Variants in BMPR1B observed in about 807,000 individuals in gnomAD.
BMPR1B encodes bone morphogenetic protein receptor type 1B, also known as bone morphogenetic protein receptor type-1B.
Under a neutral mutation model 59.1 loss-of-function variants are expected in BMPR1B, and 12 were observed. The ratio of observed to expected loss-of-function variants is 0.20; its 90% CI spans 0.13 to 0.33. The LOEUF (loss-of-function observed/expected upper bound fraction) is 0.33, where lower values mean the gene tolerates loss of function less well. BMPR1B is among the 10% of genes least tolerant of loss of function. BMPR1B has a pLI of 1.00. For missense variants in BMPR1B, 550 were observed against 610.9 expected, an observed-to-expected ratio of 0.90 and a Z score of 1.05; for synonymous variants, 237 against 207.3, an observed-to-expected ratio of 1.14 and a Z score of -1.23.
At chr4:95,142,528 G>A (rs577165125) in intron 10 of BMPR1B, among the ~76,000 whole-genome samples, 5 of 152,056 alleles carry the variant, frequency 3.3e-5, no homozygotes, top group Admixed American at 2.0e-4. Flanking sequence ...TACAATGTTT[G>A]CTTCTCTTTT....
chr4:94,829,511 C>T (rs540163752), intron 1 of BMPR1B, among the ~76,000 whole-genome samples: 2 of 152,128 alleles, frequency 1.3e-5, no homozygotes, highest in South Asian at 4.2e-4. Flanking sequence ...GCGATCTTGT[C>T]ACCTCAGCCT....
At chr4:94,920,980 G>A (rs752957774) in intron 2 of BMPR1B, among the ~76,000 whole-genome samples, 1 of 151,926 alleles carries the variant, frequency 6.6e-6, no homozygotes, top group Non-Finnish European at 1.5e-5. Flanking sequence ...TTTTTCTTCC[G>A]AGAAGATTAA....
At chr4:95,064,520 C>G (rs994172191) in intron 3 of BMPR1B, among the ~76,000 whole-genome samples, 3 of 152,098 alleles carry the variant, frequency 2.0e-5, no homozygotes, top group Non-Finnish European at 4.4e-5. Context: ...AATTGTCTTC[C>G]ACAAAACTGG....
chr4:95,021,473 A>T (rs942922191), intron 3 of BMPR1B, among the ~76,000 whole-genome samples: 1 of 152,244 alleles, frequency 6.6e-6, no homozygotes, highest in Non-Finnish European at 1.5e-5. Flanking sequence ...TGAAATCAAT[A>T]GCATTATACC....
At chr4:95,035,126 ATTAT>A (rs1725145849) in intron 3 of BMPR1B, among the ~76,000 whole-genome samples, 1 of 151,234 alleles carries the variant, frequency 6.6e-6, no homozygotes, top group Non-Finnish European at 1.5e-5. Context: ...TTTCAATGGG[ATTAT>A]TTGTTTTTTT....
At chr4:94,938,352 G>C (rs1729393552) in intron 2 of BMPR1B, among the ~76,000 whole-genome samples, 1 of 152,036 alleles carries the variant, frequency 6.6e-6, no homozygotes, top group Non-Finnish European at 1.5e-5. Context: ...AAAAATAGCT[G>C]GGTGTGGTGG....
At chr4:94,849,373 C>T (rs1197761195) in intron 1 of BMPR1B, among the ~76,000 whole-genome samples, 2 of 151,934 alleles carry the variant, frequency 1.3e-5, no homozygotes, top group East Asian at 1.9e-4. Context: ...TGTTGAGGGA[C>T]GCCTGATTGG....
intron 2 of BMPR1B, among the ~76,000 whole-genome samples, chr4:94,893,039 ATTG>A (rs1461045055): frequency 6.6e-6 from 1 of 152,072 alleles, no homozygotes; most frequent in African/African-American, 2.4e-5. Context: ...GTACATTTAA[ATTG>A]TTGTTAATGA....
At chr4:94,858,058 G>T (rs1017540695) in intron 1 of BMPR1B, among the ~76,000 whole-genome samples, 20 of 152,070 alleles carry the variant, frequency 1.3e-4, no homozygotes, top group African/African-American at 4.8e-4. Flanking sequence ...CCATTCTCCT[G>T]CCTCAGTCTC....
chr4:94,856,017 G>T (rs1725741061), intron 1 of BMPR1B, among the ~76,000 whole-genome samples: 1 of 152,286 alleles, frequency 6.6e-6, no homozygotes, highest in African/African-American at 2.4e-5. Context: ...TAAAAGACCA[G>T]TGAAGGCCCA....
intron 10 of BMPR1B, among the ~76,000 whole-genome samples, chr4:95,148,508 C>A (rs1357256311): frequency 6.6e-6 from 1 of 152,034 alleles, no homozygotes. Flanking sequence ...ACCTCAGCCT[C>A]CAGAATAGCT....
At chr4:94,843,605 A>G (rs1309589462) in intron 1 of BMPR1B, among the ~76,000 whole-genome samples, 2 of 152,216 alleles carry the variant, frequency 1.3e-5, no homozygotes, top group Non-Finnish European at 2.9e-5. Context: ...TAATCAAGGT[A>G]TTGAGTTTCA....
intron 2 of BMPR1B, among the ~76,000 whole-genome samples, chr4:94,881,461 G>A (rs1248205032): frequency 6.6e-6 from 1 of 151,792 alleles, no homozygotes; most frequent in Non-Finnish European, 1.5e-5. Context: ...GCTGGGGCAA[G>A]TGTAATATTT....
intron 6 of BMPR1B, among the ~76,000 whole-genome samples, chr4:95,117,889 A>G (rs976353197): frequency 6.6e-6 from 1 of 152,170 alleles, no homozygotes; most frequent in Non-Finnish European, 1.5e-5. Flanking sequence ...GGATGTAGGA[A>G]TTTAGAAAAA....
At chr4:94,885,968 A>G (rs186291159) in intron 2 of BMPR1B, among the ~76,000 whole-genome samples, 1 of 152,320 alleles carries the variant, frequency 6.6e-6, no homozygotes, top group Admixed American at 6.5e-5. Flanking sequence ...AACACAAAGT[A>G]AGATGATAGA....
At chr4:95,131,743 C>A (rs968579559) in intron 10 of BMPR1B, among the ~76,000 whole-genome samples, 69 of 152,254 alleles carry the variant, frequency 4.5e-4, no homozygotes, top group African/African-American at 1.6e-3. Context: ...AGGTTTGCAG[C>A]TGTCATTAAG....
At chr4:95,037,203 G>C (rs71601253) in intron 3 of BMPR1B, among the ~76,000 whole-genome samples, 10,899 of 152,186 alleles carry the variant, frequency 0.072, 496 homozygotes, top group Middle Eastern at 0.11. Flanking sequence ...CAACAAATAG[G>C]ATGGGGGCAG....
Position 95,115,790 on chromosome 4 carries a change from A to G in BMPR1B, c.349+3A>G. On this transcript the variant is annotated splice_donor_region_variant and intron_variant, in intron 6 of 12. Transcript: ENST00000515059. ...ACTGCCTCCATTGAAAAACAGAGGTAAGTGAGGAAGGCTTCCAGCCTGGAA... is the reference window on the plus strand; with the variant it reads ...ACTGCCTCCATTGAAAAACAGAGGTGAGTGAGGAAGGCTTCCAGCCTGGAA... The G allele has an allele frequency of 6.2e-7, 1 of 1,605,236 alleles. No individual in the cohort carries two copies. Among genetic ancestry groups the G allele is most frequent in the South Asian group, 1.1e-5 (1 of 90,920 alleles).
At chr4:95,147,171 CTGA>C (rs1400860505) in intron 10 of BMPR1B, among the ~76,000 whole-genome samples, 1 of 152,086 alleles carries the variant, frequency 6.6e-6, no homozygotes, top group African/African-American at 2.4e-5. Flanking sequence ...AATGAGTACA[CTGA>C]TGACATATCT....
Sources: allele counts gnomAD v4.1 joint callset (sites outside exome capture counted in the v4.1 genomes callset), GRCh38; gene constraint gnomAD v4.1.1; transcripts MANE v1.5; gene names NCBI Gene and HGNC (gene_info 2026-07-23, HGNC 2026-07-21).